PCDH11X: variants seen among roughly 807,000 people sequenced by gnomAD.
PCDH11X encodes protocadherin-11 X-linked.
Under a neutral mutation model 53.3 loss-of-function variants are expected in PCDH11X, and 18 were observed. That is an observed-to-expected ratio of 0.34 (90% confidence interval 0.23 to 0.50). The LOEUF (loss-of-function observed/expected upper bound fraction) is 0.50. Among genes scored for constraint, PCDH11X ranks in the 20% least tolerant of loss-of-function variants. PCDH11X has a pLI of 0.98. For missense variants in PCDH11X, 570 were observed against 1,032.4 expected (o/e 0.55, Z 6.14); for synonymous variants, 279 against 393.3 (o/e 0.71, Z 3.44).
At chrX:92,540,650 G>A (rs1319019208) in intron 10 of PCDH11X, among the ~76,000 whole-genome samples, 2 of 105,511 alleles carry the variant, frequency 1.9e-5, no homozygotes, top group African/African-American at 3.5e-5. Context: ...AGCCAGCACC[G>A]CTGGGAATAT....
chrX:92,106,516 C>T (rs2064387979), intron 6 of PCDH11X, among the ~76,000 whole-genome samples: 1 of 111,264 alleles, frequency 9.0e-6, no homozygotes, highest in Non-Finnish European at 1.9e-5. Flanking sequence ...TTGTGCAACT[C>T]CAGACACTTT....
chrX:92,338,799 G>A (rs951073543), intron 8 of PCDH11X, among the ~76,000 whole-genome samples: 49 of 111,917 alleles, frequency 4.4e-4, no homozygotes, highest in African/African-American at 1.4e-3. Flanking sequence ...AGGTATCAGA[G>A]AAAATTTTAA....
At chrX:91,792,671 A>G (rs1390298051) in intron 1 of PCDH11X, among the ~76,000 whole-genome samples, 3 of 111,929 alleles carry the variant, frequency 2.7e-5, no homozygotes, top group Admixed American at 1.9e-4. Flanking sequence ...AAAAAAAATT[A>G]CAATTCTAAG....
At chrX:92,460,067 A>T in intron 9 of PCDH11X, 3 of 955,671 alleles carry the variant, frequency 3.1e-6, no homozygotes, top group Non-Finnish European at 4.5e-6. Context: ...ACCATCGAGG[A>T]CCTGAGGGCT....
chrX:91,909,216 A>G (rs1376452188), intron 6 of PCDH11X, among the ~76,000 whole-genome samples: 1 of 111,786 alleles, frequency 8.9e-6, no homozygotes, highest in African/African-American at 3.3e-5. Flanking sequence ...CTCAGCCAAC[A>G]TACTTTATTG....
intron 6 of PCDH11X, among the ~76,000 whole-genome samples, chrX:92,076,967 A>G (rs1030848117): frequency 8.9e-6 from 1 of 112,015 alleles, no homozygotes; most frequent in African/African-American, 3.2e-5. Context: ...TTCACTTGAA[A>G]TATTGGAAAT....
chrX:92,191,297 T>A (rs1170675484), intron 6 of PCDH11X, among the ~76,000 whole-genome samples: 1 of 112,305 alleles, frequency 8.9e-6, no homozygotes, highest in African/African-American at 3.2e-5. Flanking sequence ...CTTTTCCTAA[T>A]TATATTTGTT....
intron 7 of PCDH11X, among the ~76,000 whole-genome samples, chrX:92,220,515 G>T (rs745692601): frequency 9.1e-6 from 1 of 109,758 alleles, no homozygotes; most frequent in Admixed American, 9.8e-5. Context: ...CCTCACACCA[G>T]TTAGAAGGGC....
chrX:91,828,280 C>T (rs12839189), intron 4 of PCDH11X, among the ~76,000 whole-genome samples: 42 of 109,567 alleles, frequency 3.8e-4, no homozygotes, highest in Non-Finnish European at 5.1e-4. Context: ...CCACCACGCC[C>T]GGCTAATTTT....
chrX:92,576,660 TGCATAAACAAAAAAA>T (rs1030291424), intron 10 of PCDH11X, among the ~76,000 whole-genome samples: 1 of 110,788 alleles, frequency 9.0e-6, no homozygotes, highest in African/African-American at 3.3e-5. Context: ...TAACACTGTT[TGCATAAACAAAAAAA>T]GCACACAAAA....
chrX:92,164,540 C>T (rs1204857596), intron 6 of PCDH11X, among the ~76,000 whole-genome samples: 1 of 111,934 alleles, frequency 8.9e-6, no homozygotes, highest in African/African-American at 3.3e-5. Flanking sequence ...TGTGCACATA[C>T]ATAGACAAGC....
At chrX:92,536,304 T>C (rs905526773) in intron 10 of PCDH11X, among the ~76,000 whole-genome samples, 23 of 111,549 alleles carry the variant, frequency 2.1e-4, no homozygotes, top group Non-Finnish European at 3.9e-4. Context: ...TATTATTTTA[T>C]TGTGATTCTT....
intron 10 of PCDH11X, among the ~76,000 whole-genome samples, chrX:92,481,301 CCACA>C (rs1234147091): frequency 1.4e-5 from 1 of 73,968 alleles, no homozygotes; most frequent in Non-Finnish European, 3.3e-5. Flanking sequence ...CACACACACC[CCACA>C]CACACACACC....
intron 6 of PCDH11X, among the ~76,000 whole-genome samples, chrX:91,974,529 A>T (rs2062019563): frequency 1.8e-5 from 2 of 111,172 alleles, no homozygotes; most frequent in Admixed American, 1.9e-4. Flanking sequence ...TTATATAAAA[A>T]CATTACAGGT....
In PCDH11X at chrX:92,620,476, G is replaced by T. The variant is rs1488893059; in HGVS notation, c.*1536G>T. On this transcript the variant is annotated 3_prime_UTR_variant, in exon 11 of 11. Coordinates refer to ENST00000682573, the MANE Select transcript of PCDH11X (RefSeq NM_032968.5). Reference sequence around the variant, plus strand: ...GAGACAATTGATGTTTAATGGGGGCGGTTGGGGTGGGGGGGGGAGTCAATA... The same window carrying T: ...GAGACAATTGATGTTTAATGGGGGCTGTTGGGGTGGGGGGGGGAGTCAATA... 1.1e-5 allele frequency: 1 copy of T among 90,794 alleles called. No homozygotes were observed. The highest frequency in any genetic ancestry group is 2.4e-5 in the Non-Finnish European group (1 of 42,408). The allele number at this position is 90,794 out of a possible 1,213,427, so 7.5% of individuals were successfully genotyped here.
Position 91,835,706 on chromosome X carries a change from A to G in PCDH11X, c.202A>G (p.Lys68Glu). The part of the protein sequence containing the change: ...TTAMQFKLVY[K>E]TGDVPLIRIE... ...TGCTATGCAGTTCAAGCTAGTGTAC[A>G]AGACCGGAGATGTGCCACTGATTCG... The change falls in exon 5 of 11, where the codon AAG (lysine) becomes GAG (glutamate). Residue 68 changes from lysine (K) to glutamate (E), a missense_variant. This residue lies in a region of PCDH11X where 84 missense variants were observed against 142.0 expected (regional missense o/e 0.59). Transcript: ENST00000682573. The G allele has an allele frequency of 1.7e-6, 2 of 1,211,564 alleles. No homozygotes were observed. The highest frequency in any genetic ancestry group is 1.8e-5 in the South Asian group (1 of 56,974).
intron 6 of PCDH11X, among the ~76,000 whole-genome samples, chrX:92,106,454 A>C: frequency 8.9e-6 from 1 of 112,025 alleles, no homozygotes; most frequent in Non-Finnish European, 1.9e-5. Context: ...TTTTTAAAAT[A>C]TGTGAATATG....
At chrX:92,597,899 CA>C (rs1925807811) in intron 10 of PCDH11X, among the ~76,000 whole-genome samples, 1 of 111,408 alleles carries the variant, frequency 9.0e-6, no homozygotes, top group African/African-American at 3.3e-5. Context: ...TCATTTTCTC[CA>C]AAAATGCTGA....
chrX:92,567,822 C>A, intron 10 of PCDH11X, among the ~76,000 whole-genome samples: 1 of 90,899 alleles, frequency 1.1e-5, no homozygotes. Flanking sequence ...TGGGTGGGAA[C>A]AACACACACT....
Sources: allele counts gnomAD v4.1 joint callset (sites outside exome capture counted in the v4.1 genomes callset), GRCh38; gene constraint gnomAD v4.1.1; regional missense constraint gnomAD v4.1.1; transcripts MANE v1.5; gene names NCBI Gene and HGNC (gene_info 2026-07-23, HGNC 2026-07-21).